The following KIF26B variants were observed in gnomAD, a reference collection of about 807,000 sequenced individuals.
KIF26B encodes kinesin-like protein KIF26B.
Under a neutral mutation model 151.2 loss-of-function variants are expected in KIF26B, and 63 were observed. The observed-to-expected ratio is 0.42, with a 90% CI of 0.34 to 0.51. The LOEUF is 0.51. KIF26B is among the 20% of genes least tolerant of loss of function. The pLI is 0.07. For synonymous variants in KIF26B, 1,357 were observed against 1,262.1 expected, an observed-to-expected ratio of 1.08 and a Z score of -1.59; for missense variants, 2,813 against 2,913.6, an observed-to-expected ratio of 0.97 and a Z score of 0.79.
At chr1:245,644,191 C>T (rs1307643755) in intron 9 of KIF26B, among the ~76,000 whole-genome samples, 1 of 151,746 alleles carries the variant, frequency 6.6e-6, no homozygotes, top group Non-Finnish European at 1.5e-5. Flanking sequence ...TTTTTTTTCC[C>T]TATATATTTT....
intron 4 of KIF26B, among the ~76,000 whole-genome samples, chr1:245,483,266 G>C (rs1296617562): frequency 6.6e-6 from 1 of 151,854 alleles, no homozygotes; most frequent in Non-Finnish European, 1.5e-5. Context: ...TTGTCTCAAG[G>C]CATGTGCTGG....
Position 245,397,017 on chromosome 1 carries a change from G to A in KIF26B, c.1000-22562G>A, listed in dbSNP as rs539208078. ...TTTGTTGCCCAGGCTGGAGTGCAGT[G>A]GCACAATCACAGCTCACTGTAGCCT... On this transcript the variant is annotated intron_variant, in intron 3 of 14. Transcript: ENST00000407071. Among the ~76,000 whole-genome samples the A allele has an allele frequency of 6.0e-5, 9 of 149,692 alleles. No individual in the cohort carries two copies. The East Asian group carries it at 1.8e-3, about 30-fold the overall frequency.
At chr1:245,640,122 G>GCTCCCTCTCTCTCTCTCT (rs1553299289) in intron 9 of KIF26B, among the ~76,000 whole-genome samples, 6 of 53,974 alleles carry the variant, frequency 1.1e-4, no homozygotes, top group African/African-American at 1.5e-4. Context: ...ACTAATATTT[G>GCTCCCTCTCTCTCTCTCT]CTCTCTCTCT....
chr1:245,182,625 G>A (rs1388580938), intron 2 of KIF26B, among the ~76,000 whole-genome samples: 3 of 152,030 alleles, frequency 2.0e-5, no homozygotes, highest in South Asian at 4.1e-4. Flanking sequence ...GCAATTCTAT[G>A]TTTAACATTT....
rs1475191388 is a variant in KIF26B at position 245,708,106 on chromosome 1, G to A, written c.*5500G>A. The stretch of plus-strand genomic sequence containing the variant: ...GGGCTAGGCCTTGAGCTAGGAGCAA[G>A]GACATGGGCCGCCAGGCCTGGTTGT... On this transcript the variant is annotated 3_prime_UTR_variant, in exon 15 of 15. Transcript: ENST00000407071. The A allele has an allele frequency of 1.3e-5, 2 of 152,236 alleles. No homozygotes were observed. The highest frequency in any genetic ancestry group is 2.9e-5 in the Non-Finnish European group (2 of 68,056). The allele number at this position is 152,236 out of a possible 1,614,324, so 9.4% of individuals were successfully genotyped here. A position where few individuals can be genotyped will look rare whatever the true frequency, so the allele number is the denominator to read the frequency against.
At position 245,667,032 on chromosome 1, in the gene KIF26B, G is replaced by A. The variant is rs2147938001; in HGVS notation, c.2259-17201G>A. On this transcript the variant is annotated intron_variant, in intron 10 of 14. Coordinates refer to ENST00000407071, the MANE Select transcript of KIF26B (RefSeq NM_018012.4). The surrounding 1 kb of genome is among the most constrained non-coding windows in gnomAD (Gnocchi z 4.3). ...AATGTCTCTGCTGTGATCCACCCTTGAAGACTGTGAGCTGTGCAGAACGAA... is the reference window on the plus strand; with the variant it reads ...AATGTCTCTGCTGTGATCCACCCTTAAAGACTGTGAGCTGTGCAGAACGAA... 6.6e-6 allele frequency among the ~76,000 whole-genome samples: 1 copy of A among 152,230 alleles called. No homozygotes were observed. The highest frequency in any genetic ancestry group is 3.4e-3 in the Middle Eastern group (1 of 294).
intron 2 of KIF26B, among the ~76,000 whole-genome samples, chr1:245,237,955 G>A (rs1265659103): frequency 6.6e-6 from 1 of 151,958 alleles, no homozygotes; most frequent in Non-Finnish European, 1.5e-5. Context: ...GAGCCCCGGA[G>A]GTCGAGGCTG....
In KIF26B at chr1:245,703,315, C is replaced by T. The variant is rs753679815; in HGVS notation, c.*709C>T. On this transcript the variant is annotated 3_prime_UTR_variant, in exon 15 of 15. Transcript: ENST00000407071. ...TCGGCACGAGCCAGTGTGTGTGTTT[C>T]CAAAGTAGGTTTGGAGCAGCAGGTG... 2 of 152,508 alleles carry T rather than the reference C, an allele frequency of 1.3e-5. No homozygotes were observed. Among genetic ancestry groups the T allele is most frequent in the South Asian group, 4.1e-4 (2 of 4,834 alleles). The allele number at this position is 152,508 out of a possible 1,614,324, so 9.4% of individuals were successfully genotyped here.
intron 9 of KIF26B, among the ~76,000 whole-genome samples, chr1:245,628,108 G>A (rs765322863): frequency 1.3e-4 from 20 of 151,728 alleles, no homozygotes; most frequent in Non-Finnish European, 2.7e-4. Flanking sequence ...AGAAAAAGAG[G>A]GAATCCTCCC....
At chr1:245,287,393 TG>T (rs1381977773) in intron 2 of KIF26B, among the ~76,000 whole-genome samples, 1 of 152,204 alleles carries the variant, frequency 6.6e-6, no homozygotes, top group Non-Finnish European at 1.5e-5. Context: ...TCTAGTTTTT[TG>T]TAAAGTATAT....
At position 245,652,137 on chromosome 1, in the gene KIF26B, TGTGTGTGTGA is replaced by T. The variant is rs1186322918; in HGVS notation, c.2258+5859_2258+5868del. Among the ~76,000 whole-genome samples the T allele has an allele frequency of 1.3e-4, 12 of 95,932 alleles. No homozygotes were observed. In the East Asian group the frequency reaches 2.5e-3, roughly 20 times the overall value. The allele number at this position is 95,932 out of a possible 152,430, so 62.9% of individuals were successfully genotyped here. A position where few individuals can be genotyped will look rare whatever the true frequency, so the allele number is the denominator to read the frequency against. Reference sequence around the variant, plus strand: ...GTGTGTGTGTGTGTGTGTGTGTGTGTGTGTGTGTGAGAGAGACATATGCATATTTAACCTC... The same window carrying T: ...GTGTGTGTGTGTGTGTGTGTGTGTGTGAGAGACATATGCATATTTAACCTC... On this transcript the variant is annotated intron_variant, in intron 10 of 14. Coordinates refer to ENST00000407071, the MANE Select transcript of KIF26B (RefSeq NM_018012.4).
intron 4 of KIF26B, among the ~76,000 whole-genome samples, chr1:245,445,773 T>C (rs1027501328): frequency 2.0e-5 from 3 of 152,144 alleles, no homozygotes; most frequent in Non-Finnish European, 4.4e-5. Context: ...GAAGCCTGGC[T>C]CCCAGCTTGT....
intron 9 of KIF26B, among the ~76,000 whole-genome samples, chr1:245,623,055 T>C (rs527865673): frequency 0.018 from 2,524 of 143,976 alleles, 43 homozygotes; most frequent in South Asian, 0.059. Flanking sequence ...TTTTTTTTGT[T>C]GTTTTTTAAC....
At chr1:245,381,436 C>T (rs142432004) in intron 3 of KIF26B, among the ~76,000 whole-genome samples, 2 of 152,206 alleles carry the variant, frequency 1.3e-5, no homozygotes, top group African/African-American at 4.8e-5. Context: ...GCTTTGAACG[C>T]AGCCCAACAC....
At chr1:245,347,549 C>T (rs1468742846) in intron 2 of KIF26B, among the ~76,000 whole-genome samples, 1 of 152,072 alleles carries the variant, frequency 6.6e-6, no homozygotes, top group Non-Finnish European at 1.5e-5. Flanking sequence ...CTTGAACTCC[C>T]GGGCTCAAGC....
chr1:245,348,901 G>A (rs751831983), intron 2 of KIF26B, among the ~76,000 whole-genome samples: 6 of 152,248 alleles, frequency 3.9e-5, no homozygotes, highest in Non-Finnish European at 4.4e-5. Context: ...ACTGCCTTCC[G>A]GTCTCTGCTC....
intron 9 of KIF26B, among the ~76,000 whole-genome samples, chr1:245,632,636 A>G (rs1027122777): frequency 1.3e-5 from 2 of 152,198 alleles, no homozygotes; most frequent in Non-Finnish European, 2.9e-5. Flanking sequence ...GACCAGGCAC[A>G]TTGGCTCACA....
intron 4 of KIF26B, among the ~76,000 whole-genome samples, chr1:245,506,104 T>C (rs949226819): frequency 2.0e-5 from 3 of 152,258 alleles, no homozygotes; most frequent in Non-Finnish European, 4.4e-5. Flanking sequence ...ATATTTTCTT[T>C]TTAACCATTA....
intron 4 of KIF26B, among the ~76,000 whole-genome samples, chr1:245,458,986 A>G (rs1659595932): frequency 6.6e-6 from 1 of 152,108 alleles, no homozygotes; most frequent in Non-Finnish European, 1.5e-5. Context: ...ACAGTTGGTG[A>G]TAAAACGTTT....
Sources: allele counts gnomAD v4.1 joint callset (sites outside exome capture counted in the v4.1 genomes callset), GRCh38; gene constraint gnomAD v4.1.1; non-coding constraint Gnocchi (gnomAD v3.1); transcripts MANE v1.5; gene names NCBI Gene and HGNC (gene_info 2026-07-23, HGNC 2026-07-21).